Variants in BPIFB2 observed in about 807,000 individuals in gnomAD.
The protein encoded by BPIFB2 is BPI fold containing family B member 2.
Under a neutral mutation model 50.1 loss-of-function variants are expected in BPIFB2, and 39 were observed. The ratio of observed to expected loss-of-function variants is 0.78; its 90% CI spans 0.60 to 1.02. The LOEUF (loss-of-function observed/expected upper bound fraction) is 1.02. Ranked by LOEUF, BPIFB2 falls within the 50% of genes least tolerant of loss-of-function variation. The pLI, the probability that BPIFB2 is intolerant of heterozygous loss-of-function variation, is 0.00. For missense variants in BPIFB2, 574 were observed against 585.8 expected (o/e 0.98, Z 0.21); for synonymous variants, 280 against 256.3 (o/e 1.09, Z -0.88).
rs144077950 is a variant in BPIFB2, at chr20:33,018,777, G to A, written c.810G>A (p.Leu270=). Residue 270 remains leucine (L), a synonymous_variant, in exon 9 of 16, where the codon CTG becomes CTA. Transcript: ENST00000170150. The part of the protein sequence containing the change: ...SQQLFDSALL[L]LQKAGALNLD... ...AGCTGTTTGACTCTGCGCTCCTGCT[G>A]CTGCAGAAGGCCGGTGCCCTCAACC... The A allele has an allele frequency of 6.2e-7, 1 of 1,614,022 alleles. No homozygotes were observed. Among genetic ancestry groups the A allele is most frequent in the Non-Finnish European group, 8.5e-7 (1 of 1,179,996 alleles).
At chr20:33,019,261 C>A in intron 10 of BPIFB2, 146 bp downstream of exon 10, 1 of 992,248 alleles carries the variant, frequency 1.0e-6, no homozygotes, top group Non-Finnish European at 1.5e-6. Context: ...CTTGGGGAGG[C>A]TCTAACTTCT....
intron 15 of BPIFB2, 111 bp from the exon 16 acceptor site, chr20:33,023,231 C>A: frequency 2.6e-6 from 3 of 1,144,598 alleles, no homozygotes; most frequent in South Asian, 1.3e-5. Context: ...GGACTCTCCT[C>A]ACAACCCACA....
rs774451940 is a variant in BPIFB2 at position 33,020,573 on chromosome 20, G to A, written c.1180G>A (p.Val394Met). 5.2e-5 allele frequency: 84 copies of A among 1,608,392 alleles called. No homozygotes were observed. Among genetic ancestry groups the A allele is most frequent in the Non-Finnish European group, 6.5e-5 (76 of 1,176,476 alleles). Residue 394 changes from valine to methionine, a missense_variant, in exon 13 of 16, where the codon GTG (valine) becomes ATG (methionine). Val to Met is a conservative substitution (Grantham distance 21, BLOSUM62 1). Coordinates refer to ENST00000170150, the MANE Select transcript of BPIFB2 (RefSeq NM_025227.3). ...DVQLTVASSN[V>M]GFIDTDQVRT... ...CCAGCTCACGGTGGCCTCCTCCAAC[G>A]TGGGCTTCATTGATGTGAGTGTGGG...
chr20:33,020,275 G>T, intron 11 of BPIFB2, 53 bp from the exon 12 acceptor site: 1 of 1,558,332 alleles, frequency 6.4e-7, no homozygotes, highest in Non-Finnish European at 8.8e-7. Context: ...TGGGTGGCTG[G>T]TGCCCCCCTC....
At chr20:33,023,189 C>T (rs1263277176) in intron 15 of BPIFB2, among the ~76,000 whole-genome samples, 153 bp from the exon 16 acceptor site, 1 of 152,200 alleles carries the variant, frequency 6.6e-6, no homozygotes, top group African/African-American at 2.4e-5. Flanking sequence ...CCCAAAGTGA[C>T]AGACTGGTAA....
chr20:33,019,694 G>T lies in BPIFB2; in HGVS notation c.1024G>T (p.Glu342Ter). 6.2e-7 allele frequency: 1 copy of T among 1,612,532 alleles called. No homozygotes were observed. Among genetic ancestry groups the T allele is most frequent in the Non-Finnish European group, 8.5e-7 (1 of 1,179,430 alleles). ...CACCCTGCGGCTGCAGCCCTTCGTG[G>T]AGGTCCTGGCCACAGCCTCCAACTC... The part of the protein sequence containing the change: ...NATLRLQPFV[E>*]VLATASNSAF... Residue 342 changes from glutamate (E) to a stop codon, truncating the protein, a stop_gained, in exon 11 of 16, where the codon GAG becomes TAG. Coordinates refer to ENST00000170150, the MANE Select transcript of BPIFB2 (RefSeq NM_025227.3). LOFTEE classifies it high-confidence loss of function.
At chr20:33,018,401 C>T (rs753281467) in intron 8 of BPIFB2, 51 bp downstream of exon 8, 1 of 1,488,948 alleles carries the variant, frequency 6.7e-7, no homozygotes, top group Admixed American at 1.8e-5. Context: ...CCTCTGGAGT[C>T]CTTGGTGTTC....
chr20:33,018,457 G>A, intron 8 of BPIFB2, 107 bp downstream of exon 8: 2 of 1,313,248 alleles, frequency 1.5e-6, no homozygotes, highest in Non-Finnish European at 1.1e-6. Flanking sequence ...GAGAGGAGGA[G>A]CTGGAATAGT....
intron 2 of BPIFB2, 108 bp from the exon 3 acceptor site, chr20:33,010,916 A>G: frequency 1.1e-6 from 1 of 949,468 alleles, no homozygotes; most frequent in Non-Finnish European, 1.7e-6. Context: ...TACCCCTTCC[A>G]GTCTGAGTAC....
intron 15 of BPIFB2, among the ~76,000 whole-genome samples, chr20:33,022,270 T>G (rs1978702621): frequency 2.0e-5 from 3 of 152,152 alleles, no homozygotes. Context: ...ACCTGGGATA[T>G]AAAAGGAAAT....
intron 15 of BPIFB2, among the ~76,000 whole-genome samples, chr20:33,022,884 A>G (rs1600517349): frequency 6.6e-6 from 1 of 152,180 alleles, no homozygotes; most frequent in Admixed American, 6.5e-5. Flanking sequence ...CTGGCTCCCC[A>G]GCACCTGCCA....
chr20:33,014,049 G>A (rs1990324178), intron 5 of BPIFB2, 93 bp downstream of exon 5: 1 of 1,462,692 alleles, frequency 6.8e-7, no homozygotes, highest in Non-Finnish European at 9.2e-7. Flanking sequence ...TTTAACCAAT[G>A]GCCACAAGGG....
rs763662964 is a variant in BPIFB2, at chr20:33,018,832, C to G, written c.855+10C>G. ...CATCACAGGGCAGCTGGTGAGGGCC[C>G]GACCTGCAGCCCAGGGCCTGTGGGG... On this transcript the variant is annotated intron_variant, in intron 9 of 15. Coordinates refer to ENST00000170150, the MANE Select transcript of BPIFB2 (RefSeq NM_025227.3). 1.9e-6 allele frequency: 3 copies of G among 1,606,716 alleles called. No individual in the cohort carries two copies. The highest frequency in any genetic ancestry group is 2.7e-5 in the African/African-American group (2 of 74,824).
In BPIFB2 at chr20:33,008,562, G is replaced by C; in HGVS notation, c.-13G>C. Reference sequence around the variant, plus strand: ...CCAGCCCACAGATCCTGTGGGCAGCGGCCAGGGCAGCCATGGCTTGGGCAA... The same window carrying C: ...CCAGCCCACAGATCCTGTGGGCAGCCGCCAGGGCAGCCATGGCTTGGGCAA... On this transcript the variant is annotated 5_prime_UTR_variant, in exon 2 of 16. Coordinates refer to ENST00000170150, the MANE Select transcript of BPIFB2 (RefSeq NM_025227.3). The C allele has an allele frequency of 1.3e-6, 2 of 1,573,260 alleles. No homozygotes were observed. Among genetic ancestry groups the C allele is most frequent in the East Asian group, 4.7e-5 (2 of 42,798 alleles).
In BPIFB2 at chr20:33,020,395, G is replaced by A; in HGVS notation, c.1148G>A (p.Gly383Glu). 6.2e-7 allele frequency: 1 copy of A among 1,614,050 alleles called. No individual in the cohort carries two copies. Among genetic ancestry groups the A allele is most frequent in the South Asian group, 1.1e-5 (1 of 91,060 alleles). ...VKLQGTTSVL[G>E]DVQLTVASSN... ...CTTCAGGGGACCACGTCTGTGCTGG[G>A]GTAAACGAGCCCACCTGGACCCAGC... The change falls in exon 12 of 16, where the codon GGG becomes GAG. Residue 383 changes from glycine to glutamate, a missense_variant and splice_region_variant. Coordinates refer to ENST00000170150, the MANE Select transcript of BPIFB2 (RefSeq NM_025227.3).
In BPIFB2 at chr20:33,021,156, C is replaced by T. The variant is rs571157152; in HGVS notation, c.1195-125C>T. ...TGGGTGATCTGCCTTCCTCCCTGTGCCTCAGCCTCTGCCATCCATCTGTTG... is the reference window on the plus strand; with the variant it reads ...TGGGTGATCTGCCTTCCTCCCTGTGTCTCAGCCTCTGCCATCCATCTGTTG... On this transcript the variant is annotated intron_variant, in intron 13 of 15. Transcript: ENST00000170150. 1.6e-4 allele frequency: 164 copies of T among 1,046,408 alleles called. 1 individual carries two copies. Among genetic ancestry groups the T allele is most frequent in the Middle Eastern group, 1.4e-3 (7 of 4,912 alleles). 64.8% of individuals were successfully genotyped at this position (1,046,408 alleles called of 1,614,324 possible). A position where few individuals can be genotyped will look rare whatever the true frequency, so the allele number is the denominator to read the frequency against.
At chr20:33,016,787 G>A (rs994476288) in intron 6 of BPIFB2, among the ~76,000 whole-genome samples, 2 of 152,176 alleles carry the variant, frequency 1.3e-5, no homozygotes, top group African/African-American at 2.4e-5. Context: ...TGGGCTCCAC[G>A]GCCTCTGTTC....
At position 33,020,541 on chromosome 20, in the gene BPIFB2, G is replaced by C. The variant is rs1254754839; in HGVS notation, c.1149-1G>C. 1.3e-5 allele frequency: 21 copies of C among 1,608,358 alleles called. No individual in the cohort carries two copies. Among genetic ancestry groups the C allele is most frequent in the Non-Finnish European group, 1.8e-5 (21 of 1,176,360 alleles). On this transcript the variant is annotated splice_acceptor_variant, in intron 12 of 15. Transcript: ENST00000170150. LOFTEE classifies it high-confidence loss of function. ...CCTGAATTCTCCTGCTTCTCTTTCA[G>C]GGATGTCCAGCTCACGGTGGCCTCC...
chr20:33,014,731 G>A (rs1258294240), intron 5 of BPIFB2, among the ~76,000 whole-genome samples: 1 of 152,252 alleles, frequency 6.6e-6, no homozygotes, highest in African/African-American at 2.4e-5. Flanking sequence ...TTTCTCCCCA[G>A]AGAGGGATGT....
Sources: gnomAD v4.1 joint callset for allele counts (sites outside exome capture counted in the v4.1 genomes callset) on GRCh38, gnomAD v4.1.1 for gene constraint, MANE v1.5 for transcripts, NCBI Gene and HGNC (gene_info 2026-07-23, HGNC 2026-07-21) for gene names.